Variants in DHRSX observed in about 807,000 individuals in gnomAD.
The protein encoded by DHRSX is polyprenol dehydrogenase.
DHRSX carries 31 observed loss-of-function variants against 34.0 expected under a neutral mutation model. That is an observed-to-expected ratio of 0.91 (90% CI 0.69 to 1.23). The LOEUF is 1.23. Among genes scored for constraint, DHRSX ranks in the 50% most tolerant of loss-of-function variants. DHRSX has a pLI of 0.00. For synonymous variants in DHRSX, 201 were observed against 183.8 expected (o/e 1.09, Z -0.76); for missense variants, 414 against 428.1 (o/e 0.97, Z 0.29).
At position 2,385,341 on chromosome X, in the gene DHRSX, A is replaced by C. The variant is rs770477375; in HGVS notation, c.286+23404T>G. Among the ~76,000 whole-genome samples the C allele has an allele frequency of 1.9e-3, 293 of 152,230 alleles. 2 individuals are homozygous for C. The highest frequency in any genetic ancestry group is 6.3e-3 in the African/African-American group (260 of 41,544). On this transcript the variant is annotated intron_variant, in intron 3 of 6. Transcript: ENST00000334651. ...GGCTAGTGATGGTCATGGTTGCTTT[A>C]AAAGATGCATGCTTTATTGTGGTTT...
chrX:2,314,510 A>G, intron 3 of DHRSX, among the ~76,000 whole-genome samples: 2 of 74,844 alleles, frequency 2.7e-5, no homozygotes, highest in Admixed American at 1.5e-4. Context: ...GAGGTAAGGG[A>G]GGGAGGGAGG....
chrX:2,226,499 G>A (rs1302188786), intron 6 of DHRSX, among the ~76,000 whole-genome samples: 1 of 152,048 alleles, frequency 6.6e-6, no homozygotes, highest in Non-Finnish European at 1.5e-5. Context: ...AGCCCTTTGT[G>A]ATCTTTTTCC....
intron 6 of DHRSX, among the ~76,000 whole-genome samples, chrX:2,233,166 T>G (rs2015937181): frequency 2.0e-5 from 3 of 152,076 alleles, no homozygotes; most frequent in African/African-American, 4.8e-5. Flanking sequence ...AGCAAGGAAC[T>G]GTGGCTTCGC....
chrX:2,353,553 A>G (rs1039845510), intron 3 of DHRSX, among the ~76,000 whole-genome samples: 5 of 151,522 alleles, frequency 3.3e-5, no homozygotes, highest in African/African-American at 2.4e-5. Context: ...CAGTCACACC[A>G]GTAGTTTAGG....
chrX:2,488,531 G>A, intron 1 of DHRSX: 5 of 1,379,810 alleles, frequency 3.6e-6, no homozygotes, highest in Non-Finnish European at 4.9e-6. Flanking sequence ...CAAAGACAGT[G>A]GATGGTCTCT....
At chrX:2,441,467 G>GAT (rs200456219) in intron 1 of DHRSX, among the ~76,000 whole-genome samples, 3 of 151,990 alleles carry the variant, frequency 2.0e-5, no homozygotes, top group Admixed American at 6.6e-5. Flanking sequence ...CAACCAGTAG[G>GAT]ATATATATAT....
At chrX:2,436,522 C>T (rs2043994281) in intron 1 of DHRSX, among the ~76,000 whole-genome samples, 1 of 149,334 alleles carries the variant, frequency 6.7e-6, no homozygotes, top group South Asian at 2.1e-4. Context: ...CTGATAGGGT[C>T]TTGCTCTGTC....
chrX:2,449,497 T>G (rs1160313664), intron 1 of DHRSX, among the ~76,000 whole-genome samples: 2 of 152,110 alleles, frequency 1.3e-5, no homozygotes, highest in South Asian at 4.1e-4. Flanking sequence ...TCTTTTTAAA[T>G]TTATTGTGGT....
intron 1 of DHRSX, among the ~76,000 whole-genome samples, chrX:2,485,316 C>A (rs2044860856): frequency 6.6e-6 from 1 of 151,900 alleles, no homozygotes; most frequent in Non-Finnish European, 1.5e-5. Context: ...AAAATGAACC[C>A]CTTTCAACCC....
intron 1 of DHRSX, among the ~76,000 whole-genome samples, chrX:2,499,311 G>A (rs1274937190): frequency 6.6e-6 from 1 of 152,156 alleles, no homozygotes; most frequent in Non-Finnish European, 1.5e-5. Context: ...GGACATTTAA[G>A]ACATTCAGGG....
rs2043113233 is a variant in DHRSX at position 2,374,146 on chromosome X, T to G, written c.286+34599A>C. Among the ~76,000 whole-genome samples the G allele has an allele frequency of 2.0e-5, 3 of 152,146 alleles. No homozygotes were observed. In the South Asian group the frequency reaches 6.2e-4, roughly 32 times the overall value. On this transcript the variant is annotated intron_variant, in intron 3 of 6. Transcript: ENST00000334651. ...AATGGAGTCTCACTATGTTGCCCAG[T>G]CTGATCTCAAACTCCTGGGCTCATA...
At chrX:2,485,836 GGAAGGAAGGGAGA>G (rs2044904470) in intron 1 of DHRSX, among the ~76,000 whole-genome samples, 1 of 87,516 alleles carries the variant, frequency 1.1e-5, no homozygotes, top group Non-Finnish European at 2.3e-5. Flanking sequence ...AGGGAGAGAA[GGAAGGAAGGGAGA>G]GAAAGAAAGA....
intron 4 of DHRSX, among the ~76,000 whole-genome samples, chrX:2,284,864 T>C (rs764852751): frequency 1.3e-5 from 2 of 152,330 alleles, no homozygotes; most frequent in South Asian, 2.1e-4. Flanking sequence ...AGATATTCTA[T>C]GTCTGAAGTA....
intron 3 of DHRSX, among the ~76,000 whole-genome samples, chrX:2,303,885 A>G (rs186980608): frequency 3.5e-4 from 46 of 129,638 alleles, no homozygotes; most frequent in African/African-American, 9.7e-4. Context: ...GGGTGGATGG[A>G]TGGATGGATG....
chrX:2,244,768 G>C (rs2016238493), intron 5 of DHRSX, among the ~76,000 whole-genome samples: 1 of 151,880 alleles, frequency 6.6e-6, no homozygotes, highest in South Asian at 2.1e-4. Flanking sequence ...CTGGAGTACA[G>C]TGGCGTGATC....
Position 2,449,779 on chromosome X carries a change from G to C in DHRSX, c.110-24475C>G, listed in dbSNP as rs1335667392. On this transcript the variant is annotated intron_variant, in intron 1 of 6. Transcript: ENST00000334651. ...AGTGATCCTCCCACCTCTGCCTCCTGAGTAGCTGGGAATATAAGCACATAC... is the reference window on the plus strand; with the variant it reads ...AGTGATCCTCCCACCTCTGCCTCCTCAGTAGCTGGGAATATAAGCACATAC... 3.3e-5 allele frequency among the ~76,000 whole-genome samples: 5 copies of C among 152,242 alleles called. No homozygotes were observed. The East Asian group carries it at 9.6e-4, about 29-fold the overall frequency.
At chrX:2,350,170 G>A (rs2042772497) in intron 3 of DHRSX, among the ~76,000 whole-genome samples, 1 of 151,844 alleles carries the variant, frequency 6.6e-6, no homozygotes, top group Non-Finnish European at 1.5e-5. Flanking sequence ...GCCAACATGG[G>A]GAAACACCGT....
At chrX:2,409,338 A>G (rs1021798639) in intron 2 of DHRSX, among the ~76,000 whole-genome samples, 12 of 152,022 alleles carry the variant, frequency 7.9e-5, no homozygotes, top group African/African-American at 2.7e-4. Context: ...GGTTGGTTAC[A>G]TAGGTATACA....
intron 3 of DHRSX, 42 bp downstream of exon 3, chrX:2,408,703 A>AG: frequency 6.4e-7 from 1 of 1,560,890 alleles, no homozygotes; most frequent in Non-Finnish European, 8.7e-7. Flanking sequence ...GTCCCAAGGA[A>AG]AAAAAAAAAC....
Sources: allele counts gnomAD v4.1 joint callset (sites outside exome capture counted in the v4.1 genomes callset), GRCh38; gene constraint gnomAD v4.1.1; transcripts MANE v1.5; gene names NCBI Gene and HGNC (gene_info 2026-07-23, HGNC 2026-07-21).